WWC2: variants seen among roughly 807,000 people sequenced by gnomAD.
WWC2 encodes the protein WW and C2 domain containing 2, also known as protein WWC2.
WWC2 carries 101 observed loss-of-function variants against 138.5 expected under a neutral mutation model. That is an observed-to-expected ratio of 0.73 (90% CI 0.62 to 0.86). The LOEUF (loss-of-function observed/expected upper bound fraction) is 0.86, where lower values mean the gene tolerates loss of function less well. Among genes scored for constraint, WWC2 ranks in the 40% least tolerant of loss-of-function variants. WWC2 has a pLI of 0.00. For synonymous variants in WWC2, 558 were observed against 538.4 expected (o/e 1.04, Z -0.50); for missense variants, 1,420 against 1,419.4 (o/e 1.00, Z -0.01).
chr4:183,212,426 C>T (rs1224930344), intron 4 of WWC2, among the ~76,000 whole-genome samples: 1 of 152,078 alleles, frequency 6.6e-6, no homozygotes, highest in East Asian at 1.9e-4. Flanking sequence ...TATCTCTGTA[C>T]CGTGTCTATA....
At chr4:183,275,901 T>G (rs945937663) in intron 16 of WWC2, among the ~76,000 whole-genome samples, 15 of 152,168 alleles carry the variant, frequency 9.9e-5, no homozygotes, top group African/African-American at 3.4e-4. Flanking sequence ...TGTACTTTTT[T>G]GTGTGTGGAA....
chr4:183,293,469 A>G (rs1287313512), intron 21 of WWC2, among the ~76,000 whole-genome samples: 1 of 152,262 alleles, frequency 6.6e-6, no homozygotes, highest in Admixed American at 6.5e-5. Context: ...AGTTAGAGAC[A>G]GGAAGCTCCT....
intron 1 of WWC2, among the ~76,000 whole-genome samples, chr4:183,113,845 G>A (rs1732328340): frequency 6.6e-6 from 1 of 151,756 alleles, no homozygotes; most frequent in Non-Finnish European, 1.5e-5. Context: ...TTTGGCAGTG[G>A]GAAGCAGTGA....
chr4:183,220,923 A>G (rs1735917537), intron 4 of WWC2, among the ~76,000 whole-genome samples: 1 of 152,178 alleles, frequency 6.6e-6, no homozygotes, highest in Non-Finnish European at 1.5e-5. Flanking sequence ...ACCCAAAAGA[A>G]GGCAAGAATA....
Position 183,194,939 on chromosome 4 carries a change from C to T in WWC2, c.241+1231C>T, listed in dbSNP as rs539414187. ...CTCTTTTATATGATCAGAAGAAATG[C>T]GACTTTTTTGTAGAGCTATTATTTA... On this transcript the variant is annotated intron_variant, in intron 2 of 22. Coordinates refer to ENST00000403733, the MANE Select transcript of WWC2 (RefSeq NM_024949.6). Among the ~76,000 whole-genome samples, 87 of 152,222 alleles carry T rather than the reference C, an allele frequency of 5.7e-4. No homozygotes were observed. In the South Asian group the frequency reaches 0.016, roughly 28 times the overall value.
At chr4:183,137,105 G>T (rs77905755) in intron 1 of WWC2, among the ~76,000 whole-genome samples, 26 of 152,208 alleles carry the variant, frequency 1.7e-4, no homozygotes, top group Non-Finnish European at 2.1e-4. Context: ...AGTCAGTGGC[G>T]AGTGACTGTG....
intron 1 of WWC2, among the ~76,000 whole-genome samples, chr4:183,123,890 G>C (rs1172391912): frequency 6.6e-6 from 1 of 151,988 alleles, no homozygotes; most frequent in African/African-American, 2.4e-5. Context: ...ATATTTGTGA[G>C]AGTAGTCTAG....
intron 1 of WWC2, among the ~76,000 whole-genome samples, chr4:183,113,521 C>CGT (rs1382182540): frequency 6.1e-5 from 9 of 146,548 alleles, no homozygotes; most frequent in East Asian, 2.1e-4. Context: ...TGTGTGCGCG[C>CGT]GCGTGCGCGC....
chr4:183,152,544 A>G (rs559413547), intron 1 of WWC2, among the ~76,000 whole-genome samples: 1 of 151,490 alleles, frequency 6.6e-6, no homozygotes, highest in East Asian at 2.0e-4. Flanking sequence ...AAAAAAAAAA[A>G]AACGCACACA....
chr4:183,215,487 C>T (rs1487760585), intron 4 of WWC2, among the ~76,000 whole-genome samples: 1 of 152,088 alleles, frequency 6.6e-6, no homozygotes, highest in East Asian at 1.9e-4. Flanking sequence ...GAGAGATTCT[C>T]TTTAATACAG....
intron 4 of WWC2, among the ~76,000 whole-genome samples, chr4:183,210,269 C>T (rs950895652): frequency 7.2e-5 from 11 of 151,844 alleles, no homozygotes; most frequent in Non-Finnish European, 1.0e-4. Context: ...TTACCGTGGA[C>T]CTCGGGGGTG....
At chr4:183,207,931 A>T (rs1238816947) in intron 2 of WWC2, 22 bp from the exon 3 acceptor site, 11 of 1,578,720 alleles carry the variant, frequency 7.0e-6, no homozygotes, top group Non-Finnish European at 9.5e-6. Flanking sequence ...TCTAAAAAGT[A>T]CCCTCCACCT....
intron 4 of WWC2, among the ~76,000 whole-genome samples, chr4:183,229,026 A>G (rs1736160372): frequency 2.0e-5 from 3 of 152,028 alleles, no homozygotes; most frequent in Non-Finnish European, 4.4e-5. Flanking sequence ...ACAGGCCTAA[A>G]CGTTGAGATA....
At chr4:183,117,872 C>T (rs1230610011) in intron 1 of WWC2, among the ~76,000 whole-genome samples, 1 of 151,890 alleles carries the variant, frequency 6.6e-6, no homozygotes, top group Non-Finnish European at 1.5e-5. Flanking sequence ...GCGATCTTGG[C>T]TCACTGCAAC....
chr4:183,109,596 C>T (rs540468726), intron 1 of WWC2, among the ~76,000 whole-genome samples: 2 of 152,162 alleles, frequency 1.3e-5, no homozygotes, highest in East Asian at 1.9e-4. Context: ...TTATAGGGTT[C>T]GCTCTCCTAT....
intron 4 of WWC2, among the ~76,000 whole-genome samples, chr4:183,214,825 G>T (rs760788186): frequency 6.6e-6 from 1 of 151,516 alleles, no homozygotes; most frequent in African/African-American, 2.4e-5. Context: ...GTAAATTGCC[G>T]CAAATATTCT....
chr4:183,254,654 G>T (rs1358178653), intron 9 of WWC2, among the ~76,000 whole-genome samples: 22 of 152,222 alleles, frequency 1.4e-4, no homozygotes, highest in Admixed American at 1.4e-3. Flanking sequence ...GAACGCATCT[G>T]CATAAGAGCC....
At chr4:183,113,482 G>GTGTGTGTGTGTA (rs1399699387) in intron 1 of WWC2, among the ~76,000 whole-genome samples, 19 of 5,870 alleles carry the variant, frequency 3.2e-3, no homozygotes, top group Admixed American at 5.8e-3. Flanking sequence ...GGTGGGGCCT[G>GTGTGTGTGTGTA]TGTGTGTGTG....
chr4:183,234,258 G>A (rs1008517800), intron 4 of WWC2, among the ~76,000 whole-genome samples: 3 of 152,186 alleles, frequency 2.0e-5, no homozygotes, highest in Non-Finnish European at 2.9e-5. Context: ...TTGCTTTAGC[G>A]TAGTTAGTGT....
Sources: allele counts gnomAD v4.1 joint callset (sites outside exome capture counted in the v4.1 genomes callset), GRCh38; gene constraint gnomAD v4.1.1; transcripts MANE v1.5; gene names NCBI Gene and HGNC (gene_info 2026-07-23, HGNC 2026-07-21).